Variants in ZNF827 observed in about 807,000 individuals in gnomAD.
ZNF827 encodes the protein zinc finger protein 827.
ZNF827 carries 13 observed loss-of-function variants against 102.4 expected under a neutral mutation model. The ratio of observed to expected loss-of-function variants is 0.13; its 90% CI spans 0.08 to 0.20. The LOEUF (loss-of-function observed/expected upper bound fraction) is 0.20. Ranked by LOEUF, ZNF827 falls within the 10% of genes least tolerant of loss-of-function variation. ZNF827 has a pLI of 1.00. For missense variants in ZNF827, 1,103 were observed against 1,344.4 expected, an observed-to-expected ratio of 0.82 and a Z score of 2.81; for synonymous variants, 523 against 536.2, an observed-to-expected ratio of 0.98 and a Z score of 0.34.
rs750973363 is a variant in ZNF827, at chr4:145,823,279, T to C, written c.2383+143A>G. On this transcript the variant is annotated intron_variant, in intron 8 of 14. Coordinates refer to ENST00000508784, the MANE Select transcript of ZNF827 (RefSeq NM_001306215.2). ...TTTTAATAAACTTTTGTAGCTTAAA[T>C]TGAGTTTCTCCTTCTTTTCTAAAAC... The C allele has an allele frequency of 3.4e-5, 22 of 644,132 alleles. No individual in the cohort carries two copies. In the Admixed American group the frequency reaches 3.7e-4, roughly 11 times the overall value. The allele number at this position is 644,132 out of a possible 1,614,324, so 39.9% of individuals were successfully genotyped here. A position where few individuals can be genotyped will look rare whatever the true frequency, so the allele number is the denominator to read the frequency against.
chr4:145,914,662 C>A (rs1752546661), intron 1 of ZNF827, among the ~76,000 whole-genome samples: 1 of 152,192 alleles, frequency 6.6e-6, no homozygotes, highest in Admixed American at 6.5e-5. Context: ...TGCAATCAAC[C>A]AACAAGCTAA....
intron 1 of ZNF827, among the ~76,000 whole-genome samples, chr4:145,937,654 C>T (rs1400644850): frequency 6.8e-6 from 1 of 146,044 alleles, no homozygotes; most frequent in Admixed American, 6.8e-5. Flanking sequence ...TGCGGTGCCC[C>T]TACACCCTCC....
At chr4:145,808,839 G>A (rs1741745557) in intron 8 of ZNF827, among the ~76,000 whole-genome samples, 1 of 152,134 alleles carries the variant, frequency 6.6e-6, no homozygotes, top group Admixed American at 6.5e-5. Context: ...CTGACACCAA[G>A]GCTGGAGTGC....
chr4:145,875,270 C>T (rs770393419), intron 4 of ZNF827, among the ~76,000 whole-genome samples: 21 of 152,248 alleles, frequency 1.4e-4, no homozygotes, highest in Non-Finnish European at 2.8e-4. Flanking sequence ...GATGTTATTA[C>T]TATCTTCATT....
chr4:145,802,306 A>C (rs115351252), intron 8 of ZNF827, among the ~76,000 whole-genome samples: 29 of 152,308 alleles, frequency 1.9e-4, no homozygotes, highest in African/African-American at 7.0e-4. Flanking sequence ...GATACAAAGC[A>C]GAGTATCACC....
rs779034544 is a variant in ZNF827, at chr4:145,902,592, G to C, written c.667C>G (p.Leu223Val). ...LKLKAAANAV[L>V]QDKSLTRTEE... ...GTCCTGGTGAGAGATTTGTCCTGCA[G>C]AACGGCATTGGCTGCAGCTTTCAGT... Residue 223 changes from leucine to valine, a missense_variant, in exon 2 of 15, where the codon CTG becomes GTG. Around this residue, in one of 5 missense-constraint regions of ZNF827, gnomAD observed 441 missense variants for 458.6 expected, o/e 0.96. Transcript: ENST00000508784. The surrounding 1 kb of genome is among the most constrained non-coding windows in gnomAD (Gnocchi z 4.3). 9.3e-6 allele frequency: 15 copies of C among 1,613,964 alleles called. No homozygotes were observed. The Admixed American group carries it at 2.5e-4, about 27-fold the overall frequency.
At chr4:145,878,456 C>A (rs1474026191) in intron 4 of ZNF827, among the ~76,000 whole-genome samples, 1 of 151,852 alleles carries the variant, frequency 6.6e-6, no homozygotes, top group Non-Finnish European at 1.5e-5. Flanking sequence ...GCCTGTAAAC[C>A]CAGCTAATTG....
At chr4:145,826,808 G>A (rs1012301417) in intron 7 of ZNF827, among the ~76,000 whole-genome samples, 8 of 152,008 alleles carry the variant, frequency 5.3e-5, no homozygotes, top group South Asian at 2.1e-4. Flanking sequence ...GTGCAATGGC[G>A]CAATCTTGGC....
At chr4:145,926,836 A>G (rs1753463621) in intron 1 of ZNF827, among the ~76,000 whole-genome samples, 1 of 149,942 alleles carries the variant, frequency 6.7e-6, no homozygotes, top group South Asian at 2.1e-4. Flanking sequence ...TTCTGCACAT[A>G]TTTTTTCACC....
intron 3 of ZNF827, 146 bp from the exon 4 acceptor site, chr4:145,886,304 G>T: frequency 7.6e-7 from 1 of 1,313,048 alleles, no homozygotes; most frequent in Non-Finnish European, 1.0e-6. Context: ...GGGGCTCCAG[G>T]TAATGAGGCC....
intron 8 of ZNF827, among the ~76,000 whole-genome samples, chr4:145,800,990 C>T (rs954021448): frequency 6.6e-6 from 1 of 152,112 alleles, no homozygotes; most frequent in Non-Finnish European, 1.5e-5. Context: ...TTACCAAGGG[C>T]AAAGAGCATG....
chr4:145,797,841 C>T (rs1579221000), intron 8 of ZNF827, among the ~76,000 whole-genome samples: 2 of 152,200 alleles, frequency 1.3e-5, no homozygotes, highest in East Asian at 3.8e-4. Context: ...CTTACTCCCT[C>T]TGAGTGCTTA....
chr4:145,815,082 CAG>C (rs1742458753), intron 8 of ZNF827, among the ~76,000 whole-genome samples: 1 of 152,096 alleles, frequency 6.6e-6, no homozygotes, highest in African/African-American at 2.4e-5. Flanking sequence ...TCTATTAAGA[CAG>C]AAAAATAGGA....
intron 5 of ZNF827, among the ~76,000 whole-genome samples, chr4:145,865,480 C>G (rs189496496): frequency 1.1e-4 from 17 of 152,290 alleles, no homozygotes; most frequent in Non-Finnish European, 2.2e-4. Flanking sequence ...AAAACACAGA[C>G]AGCGGGACTC....
rs200461563 is a variant in ZNF827, at chr4:145,885,610, C to CAGAGAG, written c.1747+62_1747+67dup. ...AAATAAGAATACTGGTAGACAGAGA[C>CAGAGAG]AGAGAGAGAGAGAGAGAGAGAGAGA... On this transcript the variant is annotated intron_variant, in intron 4 of 14. Transcript: ENST00000508784. The CAGAGAG allele has an allele frequency of 3.1e-3, 3,688 of 1,173,264 alleles. 59 individuals carry two copies. In the East Asian group the frequency reaches 0.04, roughly 13 times the overall value. 72.7% of individuals were successfully genotyped at this position (1,173,264 alleles called of 1,614,324 possible).
At chr4:145,789,731 T>G (rs1392326256) in intron 8 of ZNF827, among the ~76,000 whole-genome samples, 1 of 152,220 alleles carries the variant, frequency 6.6e-6, no homozygotes, top group Non-Finnish European at 1.5e-5. Context: ...TGGTTCTAAT[T>G]TATTTCACCA....
chr4:145,812,860 C>G (rs1232032878), intron 8 of ZNF827, among the ~76,000 whole-genome samples: 1 of 152,282 alleles, frequency 6.6e-6, no homozygotes, highest in East Asian at 1.9e-4. Flanking sequence ...AGAGTTACTT[C>G]ATGGGACAGT....
At chr4:145,820,683 C>G (rs1266999678) in intron 8 of ZNF827, among the ~76,000 whole-genome samples, 1 of 152,204 alleles carries the variant, frequency 6.6e-6, no homozygotes, top group Non-Finnish European at 1.5e-5. Context: ...TTTCCCACCC[C>G]ACTCCTCTTT....
Position 145,765,083 on chromosome 4 carries a change from C to T in ZNF827, c.3135G>A (p.Arg1045=). The change falls in exon 13 of 15, where the codon CGG becomes CGA. Residue 1045 remains arginine, a synonymous_variant. Coordinates refer to ENST00000508784, the MANE Select transcript of ZNF827 (RefSeq NM_001306215.2). The surrounding 1 kb of genome is among the most constrained non-coding windows in gnomAD (Gnocchi z 4.7). ...ERHLQIHLIT[R]MFECDVCHKF... Reference sequence around the variant, plus strand: ...TGTGGCACACATCACACTCAAACATCCGGGTGATGAGGTGTATCTGCAGAT... The same window carrying T: ...TGTGGCACACATCACACTCAAACATTCGGGTGATGAGGTGTATCTGCAGAT... 10 of 1,614,230 alleles carry T rather than the reference C, an allele frequency of 6.2e-6. No individual in the cohort carries two copies. Among genetic ancestry groups the T allele is most frequent in the Non-Finnish European group, 8.5e-6 (10 of 1,180,052 alleles).
Sources: allele counts gnomAD v4.1 joint callset (sites outside exome capture counted in the v4.1 genomes callset), GRCh38; gene constraint gnomAD v4.1.1; regional missense constraint gnomAD v4.1.1; non-coding constraint Gnocchi (gnomAD v3.1); transcripts MANE v1.5; gene names NCBI Gene and HGNC (gene_info 2026-07-23, HGNC 2026-07-21).